Variants in EPYC observed in about 807,000 individuals in gnomAD.
EPYC encodes epiphycan, also known as dermatan sulfate proteoglycan 3.
EPYC carries 28 observed loss-of-function variants against 30.1 expected under a neutral mutation model. That is an observed-to-expected ratio of 0.93 (90% CI 0.69 to 1.28). The LOEUF (loss-of-function observed/expected upper bound fraction) is 1.28, where lower values mean the gene tolerates loss of function less well. EPYC is among the 50% of genes most tolerant of loss of function. The pLI is 0.00. For synonymous variants in EPYC, 144 were observed against 141.4 expected, an observed-to-expected ratio of 1.02 and a Z score of -0.13; for missense variants, 382 against 383.5, an observed-to-expected ratio of 1.00 and a Z score of 0.03.
intron 2 of EPYC, among the ~76,000 whole-genome samples, chr12:90,983,550 T>G (rs984192539): frequency 6.6e-6 from 1 of 152,104 alleles, no homozygotes; most frequent in Non-Finnish European, 1.5e-5. Context: ...CGGGCTGAGC[T>G]GAGGGTTGAC....
At chr12:90,983,424 C>A (rs554035027) in intron 2 of EPYC, among the ~76,000 whole-genome samples, 4 of 152,224 alleles carry the variant, frequency 2.6e-5, no homozygotes, top group Non-Finnish European at 4.4e-5. Context: ...AGTGCGGCTG[C>A]CAGACTAAAG....
intron 1 of EPYC, among the ~76,000 whole-genome samples, chr12:91,004,506 A>C (rs1337084422): frequency 6.6e-6 from 1 of 152,038 alleles, no homozygotes; most frequent in Non-Finnish European, 1.5e-5. Context: ...AAAACTTTCA[A>C]TATATAGCTC....
At chr12:90,989,585 C>T (rs1397502740) in intron 2 of EPYC, among the ~76,000 whole-genome samples, 1 of 151,892 alleles carries the variant, frequency 6.6e-6, no homozygotes, top group African/African-American at 2.4e-5. Flanking sequence ...AATGCTTACT[C>T]ATACACAATG....
At chr12:90,977,308 C>G (rs1294746663) in intron 3 of EPYC, among the ~76,000 whole-genome samples, 2 of 152,102 alleles carry the variant, frequency 1.3e-5, no homozygotes, top group African/African-American at 2.4e-5. Flanking sequence ...CACATTTGAA[C>G]AAGAAATACG....
intron 2 of EPYC, among the ~76,000 whole-genome samples, chr12:90,984,624 C>T (rs1453445349): frequency 6.6e-6 from 1 of 152,092 alleles, no homozygotes; most frequent in African/African-American, 2.4e-5. Context: ...TATGTTCAAG[C>T]TTTCTTTTCA....
intron 2 of EPYC, among the ~76,000 whole-genome samples, chr12:91,000,501 C>A (rs1449144515): frequency 6.6e-6 from 1 of 151,946 alleles, no homozygotes; most frequent in Non-Finnish European, 1.5e-5. Flanking sequence ...TGAAAATGAT[C>A]CTGATGGTAA....
At position 90,971,975 on chromosome 12, in the gene EPYC, G is replaced by T; in HGVS notation, c.527C>A (p.Ser176Ter). The T allele has an allele frequency of 1.2e-6, 2 of 1,600,578 alleles. No individual in the cohort carries two copies. The highest frequency in any genetic ancestry group is 1.1e-5 in the South Asian group (1 of 89,204). ...TTCATCAATCTCAGATATTAAATTTGATGTCAGATCAATCCTTTTTAAATC... is the reference window on the plus strand; with the variant it reads ...TTCATCAATCTCAGATATTAAATTTTATGTCAGATCAATCCTTTTTAAATC... ...LSDLKRIDLT[S>*]NLISEIDEDA... is the part of the protein sequence containing the mutation. The change falls in exon 5 of 7, where the codon TCA becomes TAA. Residue 176 changes from serine (S) to a stop codon, truncating the protein, a stop_gained. Transcript: ENST00000261172. LOFTEE classifies it high-confidence loss of function.
intron 2 of EPYC, among the ~76,000 whole-genome samples, chr12:90,987,006 A>G (rs1264023602): frequency 1.3e-5 from 2 of 152,140 alleles, no homozygotes; most frequent in Non-Finnish European, 2.9e-5. Context: ...GTATGGGTAA[A>G]TCATGGCAAT....
rs147494409 is a variant in EPYC, at chr12:91,004,362, A to C, written c.-14+585T>G. On this transcript the variant is annotated intron_variant, in intron 1 of 6. Coordinates refer to ENST00000261172, the MANE Select transcript of EPYC (RefSeq NM_004950.5). Reference sequence around the variant, plus strand: ...AATCTTAAAAATATATACAGCATCTATCTATGTTTAGTTAAAAAATTTATA... The same window carrying C: ...AATCTTAAAAATATATACAGCATCTCTCTATGTTTAGTTAAAAAATTTATA... 3.0e-3 allele frequency among the ~76,000 whole-genome samples: 452 copies of C among 152,220 alleles called. 4 individuals carry two copies. Among genetic ancestry groups the C allele is most frequent in the African/African-American group, 0.01 (436 of 41,562 alleles).
chr12:90,977,193 G>C (rs1162224597), intron 3 of EPYC, among the ~76,000 whole-genome samples: 1 of 151,956 alleles, frequency 6.6e-6, no homozygotes, highest in Non-Finnish European at 1.5e-5. Flanking sequence ...ACCTTTGCAG[G>C]GGGAACTCTC....
At chr12:90,999,943 T>G (rs1009122946) in intron 2 of EPYC, among the ~76,000 whole-genome samples, 3 of 152,080 alleles carry the variant, frequency 2.0e-5, no homozygotes, top group Admixed American at 2.0e-4. Context: ...TCTTAGATAA[T>G]GGATGAGTGA....
At chr12:90,972,051 C>T (rs1287400318) in intron 4 of EPYC, 49 bp from the exon 5 acceptor site, 1 of 1,134,072 alleles carries the variant, frequency 8.8e-7, no homozygotes. Context: ...GTTTTGCTCA[C>T]ATAAAAATAT....
intron 2 of EPYC, among the ~76,000 whole-genome samples, chr12:91,001,088 G>A (rs1025647871): frequency 6.6e-6 from 1 of 151,928 alleles, no homozygotes; most frequent in South Asian, 2.1e-4. Context: ...ACTAAAGAGA[G>A]GAAAAATGGG....
At chr12:90,964,690 T>C (rs1168467229) in intron 6 of EPYC, among the ~76,000 whole-genome samples, 2 of 151,728 alleles carry the variant, frequency 1.3e-5, no homozygotes, top group African/African-American at 4.8e-5. Flanking sequence ...GAAAAAGGCA[T>C]GGAAAAAAAA....
chr12:90,996,941 A>G (rs1877706379), intron 2 of EPYC, among the ~76,000 whole-genome samples: 1 of 152,072 alleles, frequency 6.6e-6, no homozygotes, highest in African/African-American at 2.4e-5. Flanking sequence ...ACAAGAAAAT[A>G]AAGGTAGGCA....
chr12:90,986,889 C>A (rs144234319), intron 2 of EPYC, among the ~76,000 whole-genome samples: 2 of 152,252 alleles, frequency 1.3e-5, no homozygotes, highest in East Asian at 3.9e-4. Context: ...AATCTCTCCC[C>A]ATGGGGATAA....
chr12:90,993,787 TAAGA>T (rs1414493514), intron 2 of EPYC, among the ~76,000 whole-genome samples: 9 of 151,724 alleles, frequency 5.9e-5, no homozygotes, highest in Non-Finnish European at 1.2e-4. Context: ...ATTATTGAAC[TAAGA>T]TTTATATTTT....
At chr12:90,984,361 G>A (rs1019028799) in intron 2 of EPYC, among the ~76,000 whole-genome samples, 4 of 151,966 alleles carry the variant, frequency 2.6e-5, no homozygotes, top group African/African-American at 7.3e-5. Flanking sequence ...AACCACAGGC[G>A]GTCTTTTCTT....
At chr12:90,972,543 A>G in intron 4 of EPYC, 1 of 231,490 alleles carries the variant, frequency 4.3e-6, no homozygotes, top group East Asian at 9.5e-5. Context: ...ATATGATAAA[A>G]CATTCCAGCA....
Sources: allele counts gnomAD v4.1 joint callset (sites outside exome capture counted in the v4.1 genomes callset), GRCh38; gene constraint gnomAD v4.1.1; transcripts MANE v1.5; gene names NCBI Gene and HGNC (gene_info 2026-07-23, HGNC 2026-07-21).